Variants in MYO16 observed in about 807,000 individuals in gnomAD.
MYO16 encodes the protein unconventional myosin-XVI.
A neutral mutation model predicts 205.3 loss-of-function variants in MYO16; 94 were observed. The ratio of observed to expected loss-of-function variants is 0.46; its 90% CI spans 0.39 to 0.54. The LOEUF (loss-of-function observed/expected upper bound fraction) is 0.54. MYO16 is among the 20% of genes least tolerant of loss of function. MYO16 has a pLI of 0.00. For missense variants in MYO16, 2,315 were observed against 2,387.5 expected (o/e 0.97, Z 0.63); for synonymous variants, 988 against 954.0 (o/e 1.04, Z -0.66).
intron 3 of MYO16, among the ~76,000 whole-genome samples, chr13:108,723,117 G>A (rs1013863037): frequency 2.6e-5 from 4 of 151,714 alleles, no homozygotes; most frequent in Admixed American, 2.0e-4. Context: ...TTCAGTTAGT[G>A]TATCATGATT....
At chr13:108,643,220 C>CT (rs888223884) in intron 1 of MYO16, among the ~76,000 whole-genome samples, 8 of 152,134 alleles carry the variant, frequency 5.3e-5, no homozygotes, top group African/African-American at 1.9e-4. Flanking sequence ...ATAGCTTTGC[C>CT]TTTTCCAGAA....
chr13:109,151,950 A>G (rs1278114956), intron 32 of MYO16, among the ~76,000 whole-genome samples: 1 of 152,162 alleles, frequency 6.6e-6, no homozygotes, highest in Admixed American at 6.5e-5. Context: ...AGGGGGTCAG[A>G]CTGGCTTTAA....
At chr13:108,879,429 T>C (rs1388166464) in intron 12 of MYO16, among the ~76,000 whole-genome samples, 1 of 152,174 alleles carries the variant, frequency 6.6e-6, no homozygotes, top group Non-Finnish European at 1.5e-5. Context: ...TTATTACATA[T>C]GTATATATGT....
chr13:108,790,273 T>G (rs1390024127), intron 5 of MYO16, among the ~76,000 whole-genome samples: 1 of 152,174 alleles, frequency 6.6e-6, no homozygotes, highest in East Asian at 1.9e-4. Flanking sequence ...TTAAGGGAAG[T>G]TAAGTTAGGG....
intron 34 of MYO16, among the ~76,000 whole-genome samples, chr13:109,186,565 A>G (rs1406168112): frequency 6.6e-6 from 1 of 152,134 alleles, no homozygotes; most frequent in Non-Finnish European, 1.5e-5. Flanking sequence ...ACAGCACCCA[A>G]GGAAGTGAGC....
At chr13:108,609,694 A>T (rs1243406494) in intron 1 of MYO16, among the ~76,000 whole-genome samples, 2 of 152,142 alleles carry the variant, frequency 1.3e-5, no homozygotes, top group Non-Finnish European at 2.9e-5. Flanking sequence ...ATAAAAGTGA[A>T]TTTTATACAG....
intron 4 of MYO16, among the ~76,000 whole-genome samples, chr13:108,772,200 A>G (rs1253169732): frequency 6.6e-6 from 1 of 152,048 alleles, no homozygotes; most frequent in East Asian, 1.9e-4. Flanking sequence ...AAAATATTAC[A>G]TAGAAAGAAA....
chr13:108,624,713 GA>G (rs942021611), upstream of MYO16, among the ~76,000 whole-genome samples: 1 of 151,642 alleles, frequency 6.6e-6, no homozygotes, highest in African/African-American at 2.4e-5. Context: ...TTTGATTAGG[GA>G]AAAAAATCAC....
intron 31 of MYO16, among the ~76,000 whole-genome samples, chr13:109,132,601 G>A (rs1378605118): frequency 1.3e-5 from 2 of 152,162 alleles, no homozygotes; most frequent in African/African-American, 4.8e-5. Flanking sequence ...ATATGAGAGG[G>A]AGCACAATTT....
intron 24 of MYO16, among the ~76,000 whole-genome samples, chr13:109,047,496 T>C (rs1366874251): frequency 6.6e-6 from 1 of 152,158 alleles, no homozygotes; most frequent in Non-Finnish European, 1.5e-5. Context: ...AGGACCCTTC[T>C]ACTTAATGAG....
At chr13:108,700,347 AAAAGAAG>A (rs1311604471) in intron 2 of MYO16, among the ~76,000 whole-genome samples, 7 of 21,030 alleles carry the variant, frequency 3.3e-4, no homozygotes, top group East Asian at 2.9e-3. Flanking sequence ...AAAAAAAAAA[AAAAGAAG>A]AAGAAGAAGA....
chr13:108,660,590 C>T (rs116028328), intron 1 of MYO16, among the ~76,000 whole-genome samples: 363 of 152,206 alleles, frequency 2.4e-3, no homozygotes, highest in African/African-American at 8.5e-3. Context: ...ATAAGAATAG[C>T]CACCCCTGCT....
intron 2 of MYO16, among the ~76,000 whole-genome samples, chr13:108,685,579 A>T (rs1266729205): frequency 1.3e-5 from 2 of 152,214 alleles, no homozygotes; most frequent in Non-Finnish European, 2.9e-5. Context: ...TTCTTGTTAT[A>T]CAAGGAAGGT....
intron 34 of MYO16, among the ~76,000 whole-genome samples, chr13:109,205,739 A>G (rs775039491): frequency 6.6e-6 from 1 of 152,178 alleles, no homozygotes; most frequent in African/African-American, 2.4e-5. Flanking sequence ...TCAGGGGGTA[A>G]GCTTGGTCTG....
At position 109,207,806 on chromosome 13, in the gene MYO16, T is replaced by G. The variant is rs1049248810; in HGVS notation, c.*970T>G. 6.6e-6 allele frequency: 1 copy of G among 152,274 alleles called. No homozygotes were observed. The highest frequency in any genetic ancestry group is 2.4e-5 in the African/African-American group (1 of 41,460). The allele number at this position is 152,274 out of a possible 1,614,324, so 9.4% of individuals were successfully genotyped here. On this transcript the variant is annotated 3_prime_UTR_variant, in exon 35 of 35. Transcript: ENST00000457511. ...TCGCACAGCGCTCGTCCCCCGGGAC[T>G]TACACTGCATGATTCCCTCACTGTA...
chr13:108,872,133 A>T (rs1431355), intron 12 of MYO16, among the ~76,000 whole-genome samples: 101,357 of 152,034 alleles, frequency 0.67, 34,087 homozygotes, highest in East Asian at 0.89. Context: ...AAACGCACCC[A>T]ATTTAAAGTT....
At position 109,141,393 on chromosome 13, in the gene MYO16, T is replaced by TCCC. The variant is rs760880014; in HGVS notation, c.5164+21_5164+23dup. On this transcript the variant is annotated intron_variant, in intron 32 of 34. Transcript: ENST00000457511. This position sits in a 1 kb window ranked among gnomAD's most constrained non-coding sequence, Gnocchi z 4.1. ...AAGCAGAAGGTAAGCGGAGCAGACATCCCCCCACTCCTTTTGCATGGACGC... is the reference window on the plus strand; with the variant it reads ...AAGCAGAAGGTAAGCGGAGCAGACATCCCCCCCCCACTCCTTTTGCATGGACGC... The TCCC allele has an allele frequency of 1.0e-5, 15 of 1,430,712 alleles. No homozygotes were observed. The East Asian group carries it at 3.7e-4, about 36-fold the overall frequency. The allele number at this position is 1,430,712 out of a possible 1,614,324, so 88.6% of individuals were successfully genotyped here.
At chr13:108,698,172 G>T (rs999602796) in intron 2 of MYO16, among the ~76,000 whole-genome samples, 2 of 152,078 alleles carry the variant, frequency 1.3e-5, no homozygotes, top group African/African-American at 4.8e-5. Context: ...CAAATTTCCA[G>T]CTGGAGAATC....
At chr13:108,609,399 T>C (rs1879088002) in intron 1 of MYO16, among the ~76,000 whole-genome samples, 1 of 152,198 alleles carries the variant, frequency 6.6e-6, no homozygotes, top group Non-Finnish European at 1.5e-5. Flanking sequence ...GTGAATCCCA[T>C]GAGGGCAGGG....
Sources: allele counts gnomAD v4.1 joint callset (sites outside exome capture counted in the v4.1 genomes callset), GRCh38; gene constraint gnomAD v4.1.1; non-coding constraint Gnocchi (gnomAD v3.1); transcripts MANE v1.5; gene names NCBI Gene and HGNC (gene_info 2026-07-23, HGNC 2026-07-21).